The following SWT1 variants were observed in gnomAD, a reference collection of about 807,000 sequenced individuals.
SWT1 encodes transcriptional protein SWT1.
Under a neutral mutation model 107.3 loss-of-function variants are expected in SWT1, and 33 were observed. That is an observed-to-expected ratio of 0.31 (90% CI 0.23 to 0.41). SWT1 has a LOEUF of 0.41. SWT1 is among the 10% of genes least tolerant of loss of function. The pLI is 1.00. For missense variants in SWT1, 898 were observed against 1,028.9 expected (o/e 0.87, Z 1.74); for synonymous variants, 345 against 348.3 (o/e 0.99, Z 0.11).
chr1:185,176,707 A>G, intron 5 of SWT1: 2 of 984,976 alleles, frequency 2.0e-6, no homozygotes, highest in African/African-American at 1.7e-5. Flanking sequence ...GACTGTGGCC[A>G]GGCCTGGTGC....
intron 10 of SWT1, among the ~76,000 whole-genome samples, chr1:185,200,196 C>T (rs1237926573): frequency 1.3e-5 from 2 of 152,182 alleles, no homozygotes; most frequent in Middle Eastern, 3.4e-3. Context: ...TTAGAACATG[C>T]TCCTTTAGCT....
At chr1:185,197,952 ATCTTAGTTATT>A (rs1657536494) in intron 10 of SWT1, among the ~76,000 whole-genome samples, 2 of 151,816 alleles carry the variant, frequency 1.3e-5, no homozygotes, top group African/African-American at 4.8e-5. Flanking sequence ...TTCTGCTGTG[ATCTTAGTTATT>A]TCTTTTCTTC....
rs1405457871 is a variant in SWT1, at chr1:185,174,640, G to A, written c.493G>A (p.Glu165Lys). 1.2e-5 allele frequency: 19 copies of A among 1,613,164 alleles called. No individual in the cohort carries two copies. Among genetic ancestry groups the A allele is most frequent in the Middle Eastern group, 1.6e-4 (1 of 6,076 alleles). Residue 165 changes from glutamate to lysine, a missense_variant, in exon 5 of 19, where the codon GAA (glutamate) becomes AAA (lysine). Transcript: ENST00000367500. ...KIASDVKPKA[E>K]GQASENKWSH... is the part of the protein sequence containing the mutation. ...TGCCAGTGATGTGAAACCTAAAGCC[G>A]AAGGCCAGGCAAGTGAAAATAAATG... is the stretch of plus-strand genomic sequence containing the variant.
chr1:185,276,712 T>G, intron 18 of SWT1, 44 bp downstream of exon 18: 1 of 1,120,016 alleles, frequency 8.9e-7, no homozygotes, highest in Non-Finnish European at 1.3e-6. Context: ...GTAACAAGCT[T>G]TTCCATATAC....
intron 2 of SWT1, among the ~76,000 whole-genome samples, chr1:185,163,312 A>G (rs1301938325): frequency 2.6e-5 from 4 of 152,044 alleles, no homozygotes; most frequent in African/African-American, 9.7e-5. Context: ...TGTGCATGGC[A>G]TCTTCACCAG....
At chr1:185,186,814 G>A (rs969153064) in intron 9 of SWT1, among the ~76,000 whole-genome samples, 1 of 151,468 alleles carries the variant, frequency 6.6e-6, no homozygotes, top group African/African-American at 2.4e-5. Flanking sequence ...GAGTGCAGTG[G>A]CATGATCTCA....
chr1:185,275,557 C>A (rs1004290211), intron 17 of SWT1, among the ~76,000 whole-genome samples: 6 of 150,512 alleles, frequency 4.0e-5, no homozygotes, highest in African/African-American at 1.5e-4. Context: ...TATAATTTTT[C>A]TTTTTTTAAA....
intron 15 of SWT1, among the ~76,000 whole-genome samples, chr1:185,228,781 A>T (rs1370994864): frequency 6.6e-6 from 1 of 152,204 alleles, no homozygotes; most frequent in Non-Finnish European, 1.5e-5. Context: ...GAAAACCTTC[A>T]GTTAAAAAAT....
intron 18 of SWT1, among the ~76,000 whole-genome samples, chr1:185,285,750 C>T (rs1276253009): frequency 6.6e-6 from 1 of 152,204 alleles, no homozygotes; most frequent in African/African-American, 2.4e-5. Flanking sequence ...TTCATGCATT[C>T]ATCCATCCAT....
At chr1:185,214,468 ATTC>A in intron 13 of SWT1, 36 bp from the exon 14 acceptor site, 1 of 1,522,832 alleles carries the variant, frequency 6.6e-7, no homozygotes, top group Non-Finnish European at 9.0e-7. Context: ...ATGTATACTC[ATTC>A]TTCCATATTT....
chr1:185,209,323 C>T lies in SWT1; in HGVS notation c.1972+2560C>T, dbSNP rs139746664. 5.9e-3 allele frequency among the ~76,000 whole-genome samples: 892 copies of T among 152,200 alleles called. 34 individuals are homozygous for T. In the East Asian group the frequency reaches 0.095, roughly 16 times the overall value. ...ATACACGTTCCATGGGGGTTTGCTGCACCCATCAACCCATCATCTACATTA... is the reference window on the plus strand; with the variant it reads ...ATACACGTTCCATGGGGGTTTGCTGTACCCATCAACCCATCATCTACATTA... On this transcript the variant is annotated intron_variant, in intron 13 of 18. Coordinates refer to ENST00000367500, the MANE Select transcript of SWT1 (RefSeq NM_017673.7).
intron 13 of SWT1, among the ~76,000 whole-genome samples, chr1:185,207,381 G>T (rs891105644): frequency 2.6e-5 from 4 of 152,204 alleles, no homozygotes; most frequent in African/African-American, 9.6e-5. Flanking sequence ...GGGGAGCCCA[G>T]TAGGTGGTGC....
chr1:185,166,053 C>T (rs532626340), intron 2 of SWT1, among the ~76,000 whole-genome samples: 1 of 152,178 alleles, frequency 6.6e-6, no homozygotes, highest in Non-Finnish European at 1.5e-5. Flanking sequence ...TTTTTTTCCA[C>T]AGCATCGTCT....
chr1:185,191,120 T>G (rs1370490678), intron 10 of SWT1, among the ~76,000 whole-genome samples: 2 of 152,144 alleles, frequency 1.3e-5, no homozygotes, highest in African/African-American at 2.4e-5. Context: ...TCATGTCAAA[T>G]AAACAGGAAT....
chr1:185,221,790 C>A, intron 14 of SWT1, 59 bp from the exon 15 acceptor site: 1 of 1,278,712 alleles, frequency 7.8e-7, no homozygotes, highest in Non-Finnish European at 1.1e-6. Flanking sequence ...TTGCCACTCT[C>A]TTTTTCTCCT....
chr1:185,273,843 C>A (rs1440987844), intron 17 of SWT1, among the ~76,000 whole-genome samples: 1 of 152,066 alleles, frequency 6.6e-6, no homozygotes, highest in East Asian at 1.9e-4. Context: ...AACATCAAGT[C>A]TAACAAAAAT....
chr1:185,233,819 C>G (rs535313279), intron 16 of SWT1, among the ~76,000 whole-genome samples: 3 of 152,296 alleles, frequency 2.0e-5, no homozygotes, highest in African/African-American at 7.2e-5. Context: ...TCTCAGCTCA[C>G]TGCAAGCTCC....
intron 16 of SWT1, among the ~76,000 whole-genome samples, chr1:185,234,283 A>T (rs1428451832): frequency 6.6e-6 from 1 of 152,308 alleles, no homozygotes; most frequent in South Asian, 2.1e-4. Context: ...AACTTGCTTT[A>T]TGAATCTGGG....
At chr1:185,190,427 A>G (rs1656858432) in intron 9 of SWT1, 122 bp from the exon 10 acceptor site, 3 of 615,928 alleles carry the variant, frequency 4.9e-6, no homozygotes, top group Non-Finnish European at 8.9e-6. Flanking sequence ...CCATCATAGT[A>G]TCATACCTTA....
Sources: gnomAD v4.1 joint callset for allele counts (sites outside exome capture counted in the v4.1 genomes callset) on GRCh38, gnomAD v4.1.1 for gene constraint, MANE v1.5 for transcripts, NCBI Gene and HGNC (gene_info 2026-07-23, HGNC 2026-07-21) for gene names.